The following MYH15 variants were observed in gnomAD, a reference collection of about 807,000 sequenced individuals.
MYH15 encodes myosin-15.
MYH15 carries 227 observed loss-of-function variants against 240.5 expected under a neutral mutation model. The ratio of observed to expected loss-of-function variants is 0.94; its 90% CI spans 0.85 to 1.05. MYH15 has a LOEUF of 1.05. Among genes scored for constraint, MYH15 ranks in the 50% least tolerant of loss-of-function variants. MYH15 has a pLI of 0.00. For missense variants in MYH15, 2,217 were observed against 2,247.5 expected, an observed-to-expected ratio of 0.99 and a Z score of 0.27; for synonymous variants, 785 against 796.7, an observed-to-expected ratio of 0.99 and a Z score of 0.25.
chr3:108,453,922 C>G, intron 21 of MYH15, 84 bp downstream of exon 21: 1 of 1,375,110 alleles, frequency 7.3e-7, no homozygotes, highest in South Asian at 1.6e-5. Flanking sequence ...AGCTCTTGAC[C>G]TACTATAAGG....
At position 108,405,430 on chromosome 3, in the gene MYH15, G is replaced by C. The variant is rs1167068280; in HGVS notation, c.4644C>G (p.Ser1548Arg). ...ETEGALERNE[S>R]KILHFQLELL... The stretch of plus-strand genomic sequence containing the variant: ...GTTCAAGCTGGAAATGAAGAATCTT[G>C]CTTTCATTACGTTCCAGGGCTCCCT... The change falls in exon 33 of 41, where the codon AGC (serine) becomes AGG (arginine). Residue 1548 changes from serine to arginine, a missense_variant. Transcript: ENST00000693548. The C allele has an allele frequency of 3.3e-6, 5 of 1,523,446 alleles. No homozygotes were observed. The Admixed American group carries it at 6.9e-5, about 21-fold the overall frequency. 94.4% of individuals were successfully genotyped at this position (1,523,446 alleles called of 1,614,324 possible). A position where few individuals can be genotyped will look rare whatever the true frequency, so the allele number is the denominator to read the frequency against.
intron 29 of MYH15, among the ~76,000 whole-genome samples, chr3:108,416,608 T>C (rs1224622298): frequency 1.3e-5 from 2 of 152,198 alleles, no homozygotes; most frequent in Non-Finnish European, 2.9e-5. Flanking sequence ...TTGCTTGCTC[T>C]AAACCTGCAA....
At chr3:108,510,300 G>T in intron 1 of MYH15, 143 bp downstream of exon 1, 1 of 1,076,098 alleles carries the variant, frequency 9.3e-7, no homozygotes, top group Non-Finnish European at 1.3e-6. Flanking sequence ...GCCCTCAATT[G>T]CTCAGTTTCC....
In MYH15 at chr3:108,399,170, C is replaced by G; in HGVS notation, c.4834G>C (p.Glu1612Gln). The change falls in exon 34 of 41, where the codon GAG (glutamate) becomes CAG (glutamine). Residue 1612 changes from glutamate (E) to glutamine (Q), a missense_variant. Transcript: ENST00000693548. ...EVTRLKKKME[E>Q]DLNEMELQLS... ...TGGAGTTCCATCTCATTGAGGTCCT[C>G]TTCCATCTTCTTCTTCAGCCGGGTA... 1 of 1,614,238 alleles carries G rather than the reference C, an allele frequency of 6.2e-7. No individual in the cohort carries two copies.
intron 11 of MYH15, among the ~76,000 whole-genome samples, chr3:108,483,431 A>G (rs1239559659): frequency 1.3e-5 from 2 of 151,800 alleles, no homozygotes; most frequent in Non-Finnish European, 2.9e-5. Context: ...AAAAAAAACC[A>G]AAAAACAGAA....
At chr3:108,523,293 T>C (rs1182604301) in intron 1 of MYH15, among the ~76,000 whole-genome samples, 1 of 152,004 alleles carries the variant, frequency 6.6e-6, no homozygotes, top group African/African-American at 2.4e-5. Context: ...AATGAAAATA[T>C]CATTTTGTGC....
rs770170822 is a variant in MYH15, at chr3:108,493,167, A to C, written c.722T>G (p.Ile241Ser). 5.6e-6 allele frequency: 9 copies of C among 1,614,018 alleles called. No individual in the cohort carries two copies. Residue 241 changes from isoleucine (I) to serine (S), a missense_variant, in exon 8 of 41, where the codon ATC becomes AGC. Physicochemically the swap from Ile to Ser is moderately radical, Grantham distance 142. Transcript: ENST00000693548. ...NDNSSRFGKF[I>S]RMHFGARGML... ...GCCTCTGGCACCAAAGTGCATCCTG[A>C]TGAATTTGCCCTAGTGTGGACACAG...
At chr3:108,394,660 G>A (rs1174275010) in intron 35 of MYH15, among the ~76,000 whole-genome samples, 1 of 152,120 alleles carries the variant, frequency 6.6e-6, no homozygotes, top group African/African-American at 2.4e-5. Flanking sequence ...TGAGGAGGTG[G>A]GGAAAGTAGT....
chr3:108,435,812 GTATATATACA>G (rs2082828565), intron 25 of MYH15, among the ~76,000 whole-genome samples: 1 of 143,706 alleles, frequency 7.0e-6, no homozygotes, highest in African/African-American at 2.6e-5. Context: ...TTGTGTATAT[GTATATATACA>G]TATATGTATA....
At position 108,509,946 on chromosome 3, in the gene MYH15, G is replaced by A. The variant is rs115119195; in HGVS notation, c.88+497C>T. On this transcript the variant is annotated intron_variant, in intron 1 of 40. Transcript: ENST00000693548. Reference sequence around the variant, plus strand: ...AGTGACCCTGCTGACCTAGAAGACCGCTAGAGGCAAGGCTCCAACATCAAA... The same window carrying A: ...AGTGACCCTGCTGACCTAGAAGACCACTAGAGGCAAGGCTCCAACATCAAA... Among the ~76,000 whole-genome samples the A allele has an allele frequency of 8.5e-3, 1,291 of 152,200 alleles. 12 individuals carry two copies. Among genetic ancestry groups the A allele is most frequent in the African/African-American group, 0.029 (1,211 of 41,516 alleles).
At position 108,427,635 on chromosome 3, in the gene MYH15, C is replaced by CACAGAGAGAG. The variant is rs570359637; in HGVS notation, c.3702+856_3702+857insCTCTCTCTGT. Among the ~76,000 whole-genome samples the CACAGAGAGAG allele has an allele frequency of 2.6e-4, 38 of 146,726 alleles. 1 individual carries two copies. The highest frequency in any genetic ancestry group is 1.1e-3 in the South Asian group (5 of 4,560). On this transcript the variant is annotated intron_variant, in intron 27 of 40. Transcript: ENST00000693548. ...CACACACAACACACACACACACACA[C>CACAGAGAGAG]AGAGAGAGAGAGAGAGAGAGAAAGA...
At chr3:108,459,016 C>T (rs989943835) in intron 18 of MYH15, among the ~76,000 whole-genome samples, 5 of 149,370 alleles carry the variant, frequency 3.3e-5, no homozygotes, top group Admixed American at 6.6e-5. Context: ...ACCTTAATCC[C>T]CTAATTGATT....
rs2082929090 is a variant in MYH15, at chr3:108,446,454, T to A, written c.2400-1559A>T. Among the ~76,000 whole-genome samples, 6 of 151,488 alleles carry A rather than the reference T, an allele frequency of 4.0e-5. No homozygotes were observed. In the South Asian group the frequency reaches 1.0e-3, roughly 26 times the overall value. ...CTGACCAAGCTTACTGCTGAAGAGG[T>A]TTTCCTGTTGAAGCCAGCCTATAAA... On this transcript the variant is annotated intron_variant, in intron 21 of 40. Coordinates refer to ENST00000693548, the MANE Select transcript of MYH15 (RefSeq NM_014981.3).
At chr3:108,538,825 A>G in the MYH15 span, among the ~76,000 whole-genome samples, 1 of 152,176 alleles carries the variant, frequency 6.6e-6, no homozygotes, top group Non-Finnish European at 1.5e-5. Context: ...GACATTTCTT[A>G]CAGTTCTAGA....
chr3:108,435,519 G>T (rs2082823516), intron 25 of MYH15, among the ~76,000 whole-genome samples: 1 of 151,746 alleles, frequency 6.6e-6, no homozygotes, highest in South Asian at 2.1e-4. Context: ...TTGTTTCTAT[G>T]AATTCGATTA....
chr3:108,447,255 A>G (rs1387972388), intron 21 of MYH15, among the ~76,000 whole-genome samples: 1 of 152,156 alleles, frequency 6.6e-6, no homozygotes, highest in Non-Finnish European at 1.5e-5. Flanking sequence ...CAATATACAC[A>G]TTATGGGAGT....
At chr3:108,478,443 T>C (rs77267008) in intron 11 of MYH15, among the ~76,000 whole-genome samples, 6,179 of 152,284 alleles carry the variant, frequency 0.041, 402 homozygotes, top group African/African-American at 0.14. Context: ...GCCCATCCTA[T>C]ACTGAGATGT....
chr3:108,421,317 T>C, intron 27 of MYH15, 103 bp from the exon 28 acceptor site: 2 of 1,327,848 alleles, frequency 1.5e-6, no homozygotes, highest in Non-Finnish European at 2.1e-6. Context: ...CCGCATGCTC[T>C]CTTCTGTAGT....
chr3:108,525,033 C>T lies in MYH15; in HGVS notation c.-58+4230G>A, dbSNP rs1050799270. ...CATCACATTATCAAGAACTTAATTA[C>T]ATAGTTACACCTAGTTGCAAAGGAT... On this transcript the variant is annotated intron_variant, in intron 1 of 41. Transcript: ENST00000273353. 2.0e-5 allele frequency among the ~76,000 whole-genome samples: 3 copies of T among 152,058 alleles called. No homozygotes were observed. In the South Asian group the frequency reaches 6.2e-4, roughly 31 times the overall value.
Sources: gnomAD v4.1 joint callset for allele counts (sites outside exome capture counted in the v4.1 genomes callset) on GRCh38, gnomAD v4.1.1 for gene constraint, MANE v1.5 for transcripts, NCBI Gene and HGNC (gene_info 2026-07-23, HGNC 2026-07-21) for gene names.